KIAA1549L: variants seen among roughly 807,000 people sequenced by gnomAD.
KIAA1549L encodes UPF0606 protein KIAA1549L.
KIAA1549L carries 88 observed loss-of-function variants against 160.7 expected under a neutral mutation model. The observed-to-expected ratio is 0.55, with a 90% confidence interval of 0.46 to 0.65. KIAA1549L has a LOEUF of 0.65. Among genes scored for constraint, KIAA1549L ranks in the 30% least tolerant of loss-of-function variants. The pLI is 0.00. For synonymous variants in KIAA1549L, 950 were observed against 976.7 expected (o/e 0.97, Z 0.51); for missense variants, 2,258 against 2,437.5 (o/e 0.93, Z 1.55).
intron 1 of KIAA1549L, among the ~76,000 whole-genome samples, chr11:33,519,609 G>T (rs1354561515): frequency 2.0e-5 from 3 of 152,186 alleles, no homozygotes; most frequent in Admixed American, 6.5e-5. Context: ...TTAACTTCAA[G>T]AAGCTGTGCA....
intron 1 of KIAA1549L, among the ~76,000 whole-genome samples, chr11:33,434,692 G>T (rs777942202): frequency 3.5e-4 from 53 of 152,216 alleles, no homozygotes; most frequent in Non-Finnish European, 6.0e-4. Flanking sequence ...AATGAGGAAT[G>T]TGTTGCCTCC....
At chr11:33,438,097 T>C (rs904615367) in intron 1 of KIAA1549L, among the ~76,000 whole-genome samples, 4 of 152,228 alleles carry the variant, frequency 2.6e-5, no homozygotes, top group African/African-American at 9.6e-5. Context: ...AATTTTCTTT[T>C]GGATGAAGAG....
intron 13 of KIAA1549L, among the ~76,000 whole-genome samples, chr11:33,605,289 G>T (rs12790732): frequency 7.0e-6 from 1 of 142,492 alleles, no homozygotes; most frequent in African/African-American, 3.1e-5. Context: ...ATGAATATCA[G>T]GGGGTGAGAA....
chr11:33,383,605 TA>T (rs1474588322), intron 1 of KIAA1549L, among the ~76,000 whole-genome samples: 1 of 152,178 alleles, frequency 6.6e-6, no homozygotes, highest in African/African-American at 2.4e-5. Flanking sequence ...GCTGGGGGTA[TA>T]GTGAGAACAG....
At chr11:33,517,828 AC>A (rs1853384237) in intron 1 of KIAA1549L, among the ~76,000 whole-genome samples, 1 of 152,008 alleles carries the variant, frequency 6.6e-6, no homozygotes, top group Non-Finnish European at 1.5e-5. Context: ...GAAGGGGAGA[AC>A]TTAGAGATTA....
chr11:33,376,554 C>G lies in KIAA1549L; in HGVS notation c.-98C>G, dbSNP rs1301196010. ...CGCCCCCTCCCTCCGGCGCCCGGGCCGTGGCCGGCGATGCCCGGTGAGGAC... is the reference window on the plus strand; with the variant it reads ...CGCCCCCTCCCTCCGGCGCCCGGGCGGTGGCCGGCGATGCCCGGTGAGGAC... On this transcript the variant is annotated 5_prime_UTR_variant, in exon 1 of 21. Transcript: ENST00000658780. This position sits in a 1 kb window ranked among gnomAD's most constrained non-coding sequence, Gnocchi z 5.8. The G allele has an allele frequency of 2.0e-5, 3 of 148,626 alleles. No homozygotes were observed. The highest frequency in any genetic ancestry group is 6.7e-5 in the Admixed American group (1 of 14,998). 9.2% of individuals were successfully genotyped at this position (148,626 alleles called of 1,614,324 possible).
chr11:33,510,431 C>A lies in KIAA1549L; in HGVS notation c.239-31371C>A, dbSNP rs188892955. Among the ~76,000 whole-genome samples, 179 of 152,302 alleles carry A rather than the reference C, an allele frequency of 1.2e-3. No homozygotes were observed. The South Asian group carries it at 0.025, about 21-fold the overall frequency. ...TGAACTCCTGACCTCAAGTGATCCA[C>A]TCGTCTCGGCCTCCCAAAGTGCTAT... On this transcript the variant is annotated intron_variant, in intron 1 of 20. Transcript: ENST00000658780.
intron 16 of KIAA1549L, among the ~76,000 whole-genome samples, chr11:33,639,279 G>C (rs1191154009): frequency 6.6e-6 from 1 of 152,106 alleles, no homozygotes; most frequent in Non-Finnish European, 1.5e-5. Context: ...GTATTGGACT[G>C]GTTCACTCAT....
intron 1 of KIAA1549L, among the ~76,000 whole-genome samples, chr11:33,459,822 G>A (rs1331559834): frequency 8.7e-5 from 13 of 149,752 alleles, no homozygotes; most frequent in Admixed American, 5.3e-4. Context: ...TTAGCCGGGC[G>A]TAGTGGCGGG....
At chr11:33,640,500 G>A (rs894769423) in intron 16 of KIAA1549L, among the ~76,000 whole-genome samples, 2 of 152,144 alleles carry the variant, frequency 1.3e-5, no homozygotes, top group African/African-American at 4.8e-5. Context: ...GGCAAAGCGT[G>A]GGCTCTCCTT....
chr11:33,408,281 G>A (rs1333005525), intron 1 of KIAA1549L, among the ~76,000 whole-genome samples: 1 of 152,086 alleles, frequency 6.6e-6, no homozygotes, highest in Non-Finnish European at 1.5e-5. Context: ...CGGGAATAGA[G>A]AACTAAATTC....
intron 1 of KIAA1549L, among the ~76,000 whole-genome samples, chr11:33,493,326 T>G (rs746893708): frequency 6.6e-6 from 1 of 152,192 alleles, no homozygotes; most frequent in Non-Finnish European, 1.5e-5. Context: ...TCTTCTGCCA[T>G]AGGATGATGC....
intron 1 of KIAA1549L, among the ~76,000 whole-genome samples, chr11:33,509,101 T>G (rs1005509335): frequency 6.6e-6 from 1 of 152,206 alleles, no homozygotes; most frequent in African/African-American, 2.4e-5. Flanking sequence ...TTTCTATCAC[T>G]CTTCTAGCAC....
intron 1 of KIAA1549L, among the ~76,000 whole-genome samples, chr11:33,475,434 A>G (rs140340833): frequency 9.7e-4 from 147 of 152,240 alleles, no homozygotes; most frequent in African/African-American, 3.2e-3. Context: ...GCTCACGTCT[A>G]TAATCCCAGG....
chr11:33,414,060 C>T (rs1489375260), intron 1 of KIAA1549L, among the ~76,000 whole-genome samples: 1 of 152,218 alleles, frequency 6.6e-6, no homozygotes, highest in African/African-American at 2.4e-5. Context: ...TCTGAGATAG[C>T]CATTGTCAAA....
Position 33,542,480 on chromosome 11 carries a change from C to T in KIAA1549L, c.917C>T (p.Ala306Val), listed in dbSNP as rs369277254. The change falls in exon 2 of 21, where the codon GCC becomes GTC. Residue 306 changes from alanine (A) to valine (V), a missense_variant. Around this residue, in one of 6 missense-constraint regions of KIAA1549L, gnomAD observed 540 missense variants for 465.7 expected, o/e 1.16. Coordinates refer to ENST00000658780, the MANE Select transcript of KIAA1549L (RefSeq NM_012194.3). ...DEMDHTASQNAQDLIGIPHLG... is the reference protein window; with the variant it reads ...DEMDHTASQNVQDLIGIPHLG... ...ATGGACCACACTGCATCCCAAAATG[C>T]CCAGGATCTCATAGGCATCCCTCAT... 7 of 1,612,964 alleles carry T rather than the reference C, an allele frequency of 4.3e-6. No individual in the cohort carries two copies. The highest frequency in any genetic ancestry group is 4.0e-5 in the African/African-American group (3 of 74,900).
chr11:33,512,366 C>A (rs1280917556), intron 1 of KIAA1549L, among the ~76,000 whole-genome samples: 1 of 152,078 alleles, frequency 6.6e-6, no homozygotes, highest in South Asian at 2.1e-4. Flanking sequence ...TTAATGCTGC[C>A]ATTATGGCAG....
rs577657743 is a variant in KIAA1549L, at chr11:33,557,473, A to G, written c.3856-2276A>G. Among the ~76,000 whole-genome samples the G allele has an allele frequency of 1.2e-4, 19 of 152,238 alleles. No individual in the cohort carries two copies. The South Asian group carries it at 3.9e-3, about 32-fold the overall frequency. On this transcript the variant is annotated intron_variant, in intron 6 of 20. Coordinates refer to ENST00000658780, the MANE Select transcript of KIAA1549L (RefSeq NM_012194.3). ...AGAATATGCTTAGCCACAGGTATTCATGCCTTGGGGAAGAGGCTAAACCAC... is the reference window on the plus strand; with the variant it reads ...AGAATATGCTTAGCCACAGGTATTCGTGCCTTGGGGAAGAGGCTAAACCAC...
chr11:33,657,768 G>A (rs949581267), intron 18 of KIAA1549L, among the ~76,000 whole-genome samples: 2 of 152,190 alleles, frequency 1.3e-5, no homozygotes, highest in African/African-American at 4.8e-5. Flanking sequence ...CTGCACTCCA[G>A]CCTGGGTGAC....
Sources: allele counts gnomAD v4.1 joint callset (sites outside exome capture counted in the v4.1 genomes callset), GRCh38; gene constraint gnomAD v4.1.1; regional missense constraint gnomAD v4.1.1; non-coding constraint Gnocchi (gnomAD v3.1); transcripts MANE v1.5; gene names NCBI Gene and HGNC (gene_info 2026-07-23, HGNC 2026-07-21).